The following LRRC40 variants were observed in gnomAD, a reference collection of about 807,000 sequenced individuals.
The protein encoded by LRRC40 is leucine rich repeat containing 40, also known as leucine-rich repeat-containing protein 40.
LRRC40 carries 76 observed loss-of-function variants against 72.8 expected under a neutral mutation model. The ratio of observed to expected loss-of-function variants is 1.04; its 90% CI spans 0.87 to 1.26. The LOEUF (loss-of-function observed/expected upper bound fraction) is 1.26. LRRC40 is among the 50% of genes most tolerant of loss of function. The probability of loss-of-function intolerance (pLI) is 0.00; values close to 1 mark genes in which losing one functional copy is unlikely to be tolerated. For synonymous variants in LRRC40, 243 were observed against 254.2 expected (o/e 0.96, Z 0.42); for missense variants, 684 against 698.9 (o/e 0.98, Z 0.24).
intron 1 of LRRC40, among the ~76,000 whole-genome samples, chr1:70,203,477 G>C (rs778506308): frequency 3.1e-4 from 47 of 152,056 alleles, no homozygotes; most frequent in Admixed American, 8.5e-4. Flanking sequence ...TGATCATAAG[G>C]CACTACAGCC....
intron 3 of LRRC40, among the ~76,000 whole-genome samples, chr1:70,185,923 C>T (rs1668350303): frequency 6.6e-6 from 1 of 152,138 alleles, no homozygotes; most frequent in Admixed American, 6.6e-5. Flanking sequence ...GAATTCCATG[C>T]TATTTTCATG....
At chr1:70,196,992 T>C (rs909847609) in intron 1 of LRRC40, among the ~76,000 whole-genome samples, 1 of 152,176 alleles carries the variant, frequency 6.6e-6, no homozygotes, top group Non-Finnish European at 1.5e-5. Flanking sequence ...ATATAACATA[T>C]ATCACAGGGT....
In LRRC40 at chr1:70,161,089, A is replaced by ATT. The variant is rs772206688; in HGVS notation, c.1112-1653_1112-1652dup. Among the ~76,000 whole-genome samples the ATT allele has an allele frequency of 6.3e-5, 9 of 142,312 alleles. No homozygotes were observed. The South Asian group carries it at 8.9e-4, about 14-fold the overall frequency. The allele number at this position is 142,312 out of a possible 152,430, so 93.4% of individuals were successfully genotyped here. A position where few individuals can be genotyped will look rare whatever the true frequency, so the allele number is the denominator to read the frequency against. On this transcript the variant is annotated intron_variant, in intron 9 of 14. Coordinates refer to ENST00000370952, the MANE Select transcript of LRRC40 (RefSeq NM_017768.5). ...TAAGCAAGAACGCAGATATCTCATT[A>ATT]TTTTTTTTTTTTTTCTGAGAGGGAG...
chr1:70,189,395 C>A, intron 1 of LRRC40, 122 bp from the exon 2 acceptor site: 2 of 800,532 alleles, frequency 2.5e-6, no homozygotes, highest in African/African-American at 1.8e-5. Flanking sequence ...AAAACATTTT[C>A]TAAAACAAAA....
intron 3 of LRRC40, among the ~76,000 whole-genome samples, chr1:70,186,649 A>C (rs1480809183): frequency 6.6e-6 from 1 of 152,186 alleles, no homozygotes; most frequent in African/African-American, 2.4e-5. Flanking sequence ...GACCTCTTTA[A>C]ATCTCCTTTC....
intron 13 of LRRC40, among the ~76,000 whole-genome samples, chr1:70,149,971 A>G (rs552896051): frequency 1.3e-5 from 2 of 152,094 alleles, no homozygotes; most frequent in African/African-American, 4.8e-5. Context: ...CCTAGGCTGG[A>G]GTGCAGTGAC....
rs75709737 is a variant in LRRC40 at position 70,162,271 on chromosome 1, G to A, written c.1112-2833C>T. ...AGAGTATAACCCCTAAGGATGGAGT[G>A]GGTGGCTACAAAAAAAAAAGCAGAT... On this transcript the variant is annotated intron_variant, in intron 9 of 14. Transcript: ENST00000370952. Among the ~76,000 whole-genome samples, 252 of 152,152 alleles carry A rather than the reference G, an allele frequency of 1.7e-3. 6 individuals are homozygous for A. In the East Asian group the frequency reaches 0.043, roughly 26 times the overall value.
intron 1 of LRRC40, among the ~76,000 whole-genome samples, chr1:70,194,718 T>C (rs1423661139): frequency 6.6e-6 from 1 of 152,030 alleles, no homozygotes; most frequent in Non-Finnish European, 1.5e-5. Context: ...AACAAGCCAA[T>C]TCTAAAATGT....
intron 9 of LRRC40, among the ~76,000 whole-genome samples, chr1:70,171,086 C>T (rs1274907939): frequency 1.3e-5 from 2 of 151,964 alleles, no homozygotes; most frequent in Admixed American, 1.3e-4. Context: ...TACAAGAATG[C>T]CAAGACCATT....
At chr1:70,168,202 T>C (rs890185430) in intron 9 of LRRC40, among the ~76,000 whole-genome samples, 4 of 152,188 alleles carry the variant, frequency 2.6e-5, no homozygotes, top group African/African-American at 7.2e-5. Flanking sequence ...CTGTTGCTAA[T>C]GCTAAATCCC....
intron 4 of LRRC40, among the ~76,000 whole-genome samples, chr1:70,183,306 G>C (rs1011862189): frequency 1.3e-5 from 2 of 151,946 alleles, no homozygotes; most frequent in African/African-American, 2.4e-5. Context: ...AATTAACTAT[G>C]TGGAGTAGAT....
chr1:70,170,604 G>A (rs1667979888), intron 9 of LRRC40, among the ~76,000 whole-genome samples: 1 of 151,856 alleles, frequency 6.6e-6, no homozygotes, highest in African/African-American at 2.4e-5. Flanking sequence ...GCACAAAAAT[G>A]GAATTAAGAA....
At chr1:70,164,805 C>T (rs1667844337) in intron 9 of LRRC40, among the ~76,000 whole-genome samples, 1 of 152,098 alleles carries the variant, frequency 6.6e-6, no homozygotes, top group African/African-American at 2.4e-5. Context: ...CAAACCCAGT[C>T]CTTAAAAAGA....
chr1:70,154,018 C>A (rs1571437921), intron 11 of LRRC40, among the ~76,000 whole-genome samples: 1 of 149,968 alleles, frequency 6.7e-6, no homozygotes, highest in Non-Finnish European at 1.5e-5. Context: ...ATGTATAACT[C>A]CAAATGGAGA....
At chr1:70,174,253 A>G (rs1444026969) in intron 7 of LRRC40, among the ~76,000 whole-genome samples, 1 of 152,098 alleles carries the variant, frequency 6.6e-6, no homozygotes, top group Non-Finnish European at 1.5e-5. Flanking sequence ...GGGCACTGGT[A>G]TAGCGATATC....
intron 5 of LRRC40, among the ~76,000 whole-genome samples, chr1:70,179,521 A>G (rs572024324): frequency 8.4e-4 from 128 of 152,256 alleles, no homozygotes; most frequent in African/African-American, 3.0e-3. Context: ...AAGTTCTGGT[A>G]CTCTGTTAAA....
chr1:70,176,119 T>C, intron 6 of LRRC40, 137 bp from the exon 7 acceptor site: 1 of 463,146 alleles, frequency 2.2e-6, no homozygotes, highest in Middle Eastern at 5.5e-4. Flanking sequence ...AATATCAAGA[T>C]GTTTAAATTT....
At chr1:70,197,052 C>T (rs918653474) in intron 1 of LRRC40, among the ~76,000 whole-genome samples, 3 of 152,128 alleles carry the variant, frequency 2.0e-5, no homozygotes, top group Non-Finnish European at 2.9e-5. Context: ...TCTACAATGA[C>T]GTAAATGCCC....
chr1:70,157,379 A>C (rs770985553), intron 10 of LRRC40, among the ~76,000 whole-genome samples: 8 of 152,246 alleles, frequency 5.3e-5, no homozygotes, highest in African/African-American at 7.2e-5. Context: ...GATAATTTAT[A>C]TTTTAAATAA....
Sources: allele counts gnomAD v4.1 joint callset (sites outside exome capture counted in the v4.1 genomes callset), GRCh38; gene constraint gnomAD v4.1.1; transcripts MANE v1.5; gene names NCBI Gene and HGNC (gene_info 2026-07-23, HGNC 2026-07-21).